Variants in EIF5B observed in about 807,000 individuals in gnomAD.
The protein encoded by EIF5B is eIF-5B.
EIF5B carries 47 observed loss-of-function variants against 147.5 expected under a neutral mutation model. The ratio of observed to expected loss-of-function variants is 0.32; its 90% CI spans 0.25 to 0.41. The LOEUF (loss-of-function observed/expected upper bound fraction) is 0.41. Among genes scored for constraint, EIF5B ranks in the 10% least tolerant of loss-of-function variants. The pLI is 1.00. For synonymous variants in EIF5B, 455 were observed against 456.2 expected (o/e 1.00, Z 0.03); for missense variants, 1,064 against 1,413.2 (o/e 0.75, Z 3.96).
chr2:99,357,637 C>G (rs187572122), intron 1 of EIF5B, among the ~76,000 whole-genome samples: 9 of 152,228 alleles, frequency 5.9e-5, no homozygotes, highest in Admixed American at 5.9e-4. Flanking sequence ...CAAGAAGATT[C>G]TTGAAGCTAT....
chr2:99,345,611 A>AAT (rs59203969), intron 1 of EIF5B, among the ~76,000 whole-genome samples: 23,200 of 135,450 alleles, frequency 0.17, 2,816 homozygotes, highest in East Asian at 0.26. Flanking sequence ...AAAAAAAAAA[A>AAT]GGAATGTCTA....
chr2:99,398,194 ACTTT>A (rs1432259866), intron 22 of EIF5B: 2 of 152,058 alleles, frequency 1.3e-5, no homozygotes, highest in African/African-American at 4.8e-5. Flanking sequence ...TATTTGTGTT[ACTTT>A]CTATGTGGCT....
intron 1 of EIF5B, chr2:99,338,269 C>G: frequency 7.9e-7 from 1 of 1,271,514 alleles, no homozygotes; most frequent in Non-Finnish European, 1.0e-6. Context: ...TTCTAACCAC[C>G]TGCAATGCTT....
intron 21 of EIF5B, 127 bp from the exon 22 acceptor site, chr2:99,396,633 C>A: frequency 8.3e-7 from 1 of 1,210,690 alleles, no homozygotes; most frequent in Non-Finnish European, 1.1e-6. Context: ...CCTGCCTGCC[C>A]CTCTCCTGTG....
intron 1 of EIF5B, among the ~76,000 whole-genome samples, chr2:99,341,328 A>T (rs891127994): frequency 9.8e-5 from 15 of 152,368 alleles, no homozygotes; most frequent in African/African-American, 3.6e-4. Context: ...GCCTGTTCCT[A>T]TCCTGACGCT....
At chr2:99,344,323 A>G (rs2094267812) in intron 1 of EIF5B, among the ~76,000 whole-genome samples, 1 of 152,080 alleles carries the variant, frequency 6.6e-6, no homozygotes, top group East Asian at 1.9e-4. Flanking sequence ...AGATCATTAG[A>G]TGCTAGATAT....
intron 14 of EIF5B, among the ~76,000 whole-genome samples, chr2:99,384,892 G>C (rs963045409): frequency 2.6e-5 from 4 of 152,168 alleles, no homozygotes; most frequent in Admixed American, 6.5e-5. Flanking sequence ...TCTGGTGAGG[G>C]TATTGTGAAC....
chr2:99,382,107 A>G, intron 12 of EIF5B, 52 bp from the exon 13 acceptor site: 6 of 1,482,640 alleles, frequency 4.0e-6, no homozygotes, highest in African/African-American at 1.4e-5. Flanking sequence ...TCTGTAAAGA[A>G]GCTTTCATGT....
At chr2:99,346,130 T>C (rs2094272891) in intron 1 of EIF5B, among the ~76,000 whole-genome samples, 1 of 152,174 alleles carries the variant, frequency 6.6e-6, no homozygotes, top group African/African-American at 2.4e-5. Context: ...AAGTTATTGT[T>C]TATGCATCTT....
At chr2:99,376,812 C>T (rs1674574375) in intron 10 of EIF5B, among the ~76,000 whole-genome samples, 176 bp downstream of exon 10, 1 of 152,134 alleles carries the variant, frequency 6.6e-6, no homozygotes, top group Non-Finnish European at 1.5e-5. Flanking sequence ...TACCCAAGGA[C>T]CCCCCGTCCC....
chr2:99,390,694 T>C lies in EIF5B; in HGVS notation c.2737T>C (p.Leu913=), dbSNP rs1398008542. Residue 913 remains leucine (L), a synonymous_variant, in exon 17 of 24, where the codon TTA becomes CTA. Coordinates refer to ENST00000289371, the MANE Select transcript of EIF5B (RefSeq NM_015904.4). The part of the protein sequence containing the change: ...GLLLPPPMKE[L]RVKNQYEKHK... ...CCTGTTACCTCCTCCTATGAAGGAATTACGAGTGAAGGTATGCTGAGGTGG... is the reference window on the plus strand; with the variant it reads ...CCTGTTACCTCCTCCTATGAAGGAACTACGAGTGAAGGTATGCTGAGGTGG... The C allele has an allele frequency of 1.9e-6, 3 of 1,601,388 alleles. No homozygotes were observed. In the Admixed American group the frequency reaches 5.0e-5, roughly 27 times the overall value.
chr2:99,363,816 A>G lies in EIF5B; in HGVS notation c.1091A>G (p.Glu364Gly). 6.2e-7 allele frequency: 1 copy of G among 1,612,014 alleles called. No individual in the cohort carries two copies. Among genetic ancestry groups the G allele is most frequent in the Non-Finnish European group, 8.5e-7 (1 of 1,179,550 alleles). Residue 364 changes from glutamate (E) to glycine (G), a missense_variant, in exon 5 of 24, where the codon GAA (glutamate) becomes GGA (glycine). This residue lies in a region of EIF5B where 458 missense variants were observed against 451.3 expected (regional missense o/e 1.01). Transcript: ENST00000289371. ...EEERQKREEE[E>G]RIKRLEELEA... ...GAAAGACAGAAGAGAGAAGAGGAAG[A>G]ACGTATAAAACGGCTTGAAGAATTA...
At chr2:99,357,986 A>G (rs1674129870) in intron 1 of EIF5B, among the ~76,000 whole-genome samples, 2 of 152,140 alleles carry the variant, frequency 1.3e-5, no homozygotes, top group South Asian at 4.1e-4. Context: ...TTCTCATTAC[A>G]GTTACTACAA....
intron 1 of EIF5B, among the ~76,000 whole-genome samples, chr2:99,343,753 G>A (rs1049342925): frequency 1.3e-4 from 20 of 151,706 alleles, no homozygotes; most frequent in Admixed American, 1.3e-3. Context: ...GGCGGAGGTT[G>A]CAGTGAGCCA....
intron 14 of EIF5B, among the ~76,000 whole-genome samples, chr2:99,385,000 C>G (rs1286086396): frequency 6.6e-6 from 1 of 152,086 alleles, no homozygotes; most frequent in Non-Finnish European, 1.5e-5. Flanking sequence ...TTGAAAGAAG[C>G]TCTATTCTGG....
chr2:99,338,130 G>A (rs1048941584), intron 1 of EIF5B, among the ~76,000 whole-genome samples: 1 of 151,776 alleles, frequency 6.6e-6, no homozygotes, highest in Non-Finnish European at 1.5e-5. Context: ...TTTAAGGGCT[G>A]ATTGTCCAGC....
At chr2:99,384,196 C>CAAAAAATAAA (rs1674751513) in intron 14 of EIF5B, among the ~76,000 whole-genome samples, 1 of 117,510 alleles carries the variant, frequency 8.5e-6, no homozygotes. Flanking sequence ...GACTCCGTCT[C>CAAAAAATAAA]AAAAAAAAAA....
rs548590713 is a variant in EIF5B at position 99,400,209 on chromosome 2, A to ATTAATCTTGATCTGTT, written c.*815_*830dup. 3 of 151,910 alleles carry ATTAATCTTGATCTGTT rather than the reference A, an allele frequency of 2.0e-5. No individual in the cohort carries two copies. The highest frequency in any genetic ancestry group is 2.4e-5 in the African/African-American group (1 of 41,210). The allele number at this position is 151,910 out of a possible 1,614,324, so 9.4% of individuals were successfully genotyped here. On this transcript the variant is annotated 3_prime_UTR_variant, in exon 24 of 24. Coordinates refer to ENST00000289371, the MANE Select transcript of EIF5B (RefSeq NM_015904.4). ...CTGGTAACAGTAGAGATTTTTATAC[A>ATTAATCTTGATCTGTT]TTAATCTTGATCTGTTTTAATCTTG...
chr2:99,348,203 C>A (rs1037079234), intron 1 of EIF5B, among the ~76,000 whole-genome samples: 4 of 152,172 alleles, frequency 2.6e-5, no homozygotes, highest in African/African-American at 9.7e-5. Context: ...CTTTGCATTG[C>A]ATTGTATAAT....
Sources: allele counts gnomAD v4.1 joint callset (sites outside exome capture counted in the v4.1 genomes callset), GRCh38; gene constraint gnomAD v4.1.1; regional missense constraint gnomAD v4.1.1; transcripts MANE v1.5; gene names NCBI Gene and HGNC (gene_info 2026-07-23, HGNC 2026-07-21).